Variants in MID1 observed in about 807,000 individuals in gnomAD.
The protein encoded by MID1 is midline 1, also known as E3 ubiquitin-protein ligase Midline-1.
Under a neutral mutation model 40.4 loss-of-function variants are expected in MID1, and 7 were observed. The observed-to-expected ratio is 0.17, with a 90% CI of 0.10 to 0.33. The LOEUF (loss-of-function observed/expected upper bound fraction) is 0.33, where lower values mean the gene tolerates loss of function less well. Ranked by LOEUF, MID1 falls within the 10% of genes least tolerant of loss-of-function variation. The pLI is 1.00. For missense variants in MID1, 367 were observed against 558.5 expected (o/e 0.66, Z 3.46); for synonymous variants, 229 against 221.2 (o/e 1.04, Z -0.31).
intron 1 of MID1, among the ~76,000 whole-genome samples, chrX:10,700,790 A>T (rs2043189661): frequency 8.9e-6 from 1 of 111,857 alleles, no homozygotes; most frequent in Non-Finnish European, 1.9e-5. Flanking sequence ...GGTCTCTCCT[A>T]CTCTATGATG....
chrX:10,616,331 C>A (rs1029523120), intron 1 of MID1, among the ~76,000 whole-genome samples: 2 of 112,641 alleles, frequency 1.8e-5, no homozygotes, highest in African/African-American at 6.4e-5. Flanking sequence ...ATTACGTCTG[C>A]AAGATACTCT....
chrX:10,823,152 A>G (rs1457049779), intron 1 of MID1, among the ~76,000 whole-genome samples: 1 of 111,922 alleles, frequency 8.9e-6, no homozygotes, highest in Non-Finnish European at 1.9e-5. Context: ...ATAAAAAGGA[A>G]TGAGATCATG....
intron 2 of MID1, among the ~76,000 whole-genome samples, chrX:10,526,747 T>C (rs1340318460): frequency 8.9e-6 from 1 of 112,081 alleles, no homozygotes; most frequent in Non-Finnish European, 1.9e-5. Context: ...TTTAAACACA[T>C]TGACCTATCC....
intron 1 of MID1, among the ~76,000 whole-genome samples, chrX:10,682,610 T>A (rs1310137481): frequency 9.0e-6 from 1 of 111,715 alleles, no homozygotes; most frequent in African/African-American, 3.3e-5. Context: ...TCAGTGAGAA[T>A]AATAAATAAA....
At chrX:10,451,583 C>T (rs1355515798) in intron 9 of MID1, among the ~76,000 whole-genome samples, 1 of 111,683 alleles carries the variant, frequency 9.0e-6, no homozygotes, top group Non-Finnish European at 1.9e-5. Flanking sequence ...TGTGTCCCCA[C>T]CCAAATCTCA....
intron 1 of MID1, among the ~76,000 whole-genome samples, chrX:10,735,392 G>A (rs761509795): frequency 1.8e-5 from 2 of 112,262 alleles, no homozygotes; most frequent in East Asian, 2.8e-4. Context: ...GTGAGCCACC[G>A]TGCCTGGCCT....
intron 1 of MID1, among the ~76,000 whole-genome samples, chrX:10,689,994 A>C (rs1602518771): frequency 9.6e-6 from 1 of 103,655 alleles, no homozygotes; most frequent in African/African-American, 3.5e-5. Context: ...AGAAAACAGG[A>C]AATTTGGAGT....
intron 2 of MID1, among the ~76,000 whole-genome samples, chrX:10,553,141 G>A (rs1933983137): frequency 9.1e-6 from 1 of 109,966 alleles, no homozygotes; most frequent in African/African-American, 3.3e-5. Context: ...CCAGCTACTC[G>A]GGAGCCTGAG....
Position 10,757,582 on chromosome X carries a change from A to AT in MID1, c.-187+75971dup, listed in dbSNP as rs201476056. 5.8e-3 allele frequency among the ~76,000 whole-genome samples: 650 copies of AT among 111,713 alleles called. 4 individuals are homozygous for AT. Among genetic ancestry groups the AT allele is most frequent in the African/African-American group, 0.02 (607 of 30,830 alleles). On this transcript the variant is annotated intron_variant, in intron 1 of 10. Coordinates refer to the MID1 transcript ENST00000380785. ...GAAGTGTGGAGAATTTTTAAAAGTC[A>AT]TTTTTTTTGGATTAAATTAAGTATT... is the stretch of plus-strand genomic sequence containing the variant.
At chrX:10,656,442 C>T (rs1050394135) in intron 1 of MID1, among the ~76,000 whole-genome samples, 21 of 111,705 alleles carry the variant, frequency 1.9e-4, no homozygotes, top group Admixed American at 4.7e-4. Context: ...CTTTTCAATG[C>T]CAACAGCTTG....
intron 1 of MID1, among the ~76,000 whole-genome samples, chrX:10,601,890 T>C (rs1841419156): frequency 9.4e-6 from 1 of 105,913 alleles, no homozygotes; most frequent in Non-Finnish European, 1.9e-5. Context: ...TTTGTTTTTG[T>C]TTTTGTTTTT....
intron 2 of MID1, among the ~76,000 whole-genome samples, chrX:10,551,166 T>C (rs1015111965): frequency 5.3e-5 from 6 of 112,455 alleles, no homozygotes; most frequent in Non-Finnish European, 9.4e-5. Context: ...TTACATTGTA[T>C]TGTTTAGAGA....
intron 1 of MID1, among the ~76,000 whole-genome samples, chrX:10,613,758 GAGAGAGAGAGAC>G (rs1156923904): frequency 2.0e-3 from 180 of 88,746 alleles, no homozygotes; most frequent in African/African-American, 5.1e-3. Flanking sequence ...GAGAGAGAGA[GAGAGAGAGAGAC>G]AGACAGACAG....
chrX:10,784,902 T>C (rs925499105), intron 1 of MID1, among the ~76,000 whole-genome samples: 8 of 111,150 alleles, frequency 7.2e-5, no homozygotes, highest in African/African-American at 2.3e-4. Flanking sequence ...AGCATTCCCT[T>C]TGAAAACTGG....
At chrX:10,648,424 T>G (rs1255261636) in intron 1 of MID1, among the ~76,000 whole-genome samples, 2 of 112,034 alleles carry the variant, frequency 1.8e-5, no homozygotes, top group Non-Finnish European at 3.8e-5. Context: ...TTATGATACT[T>G]TGAAATATTT....
chrX:10,641,058 A>G (rs1936188049), intron 1 of MID1, among the ~76,000 whole-genome samples: 1 of 112,199 alleles, frequency 8.9e-6, no homozygotes, highest in Non-Finnish European at 1.9e-5. Flanking sequence ...CACAAGAGAA[A>G]GCAGGAAAGA....
At chrX:10,661,222 G>T (rs1474082863) in intron 1 of MID1, among the ~76,000 whole-genome samples, 1 of 111,665 alleles carries the variant, frequency 9.0e-6, no homozygotes, top group Non-Finnish European at 1.9e-5. Context: ...CATTACTGTG[G>T]TTATGAAAGA....
At chrX:10,476,210 AAG>A (rs1158690127) in intron 5 of MID1, among the ~76,000 whole-genome samples, 1 of 111,795 alleles carries the variant, frequency 8.9e-6, no homozygotes, top group African/African-American at 3.3e-5. Context: ...GCTAGGGGCT[AAG>A]AGGGGAGGGG....
chrX:10,718,033 A>G lies in MID1; in HGVS notation c.-186-97614T>C, dbSNP rs752632535. On this transcript the variant is annotated intron_variant, in intron 1 of 10. Transcript: ENST00000380785. ...GACACAACATACCAGAATCTCTGGG[A>G]CACATTCAAAGCAGTGTGTAGAGGG... Among the ~76,000 whole-genome samples the G allele has an allele frequency of 8.9e-5, 10 of 112,226 alleles. No individual in the cohort carries two copies. In the South Asian group the frequency reaches 3.7e-3, roughly 42 times the overall value.
Sources: gnomAD v4.1 joint callset for allele counts (sites outside exome capture counted in the v4.1 genomes callset) on GRCh38, gnomAD v4.1.1 for gene constraint, MANE v1.5 for transcripts, NCBI Gene and HGNC (gene_info 2026-07-23, HGNC 2026-07-21) for gene names.